Variants in CECR2 observed in about 807,000 individuals in gnomAD.
The protein encoded by CECR2 is CECR2 histone acetyl-lysine reader, also known as chromatin remodeling regulator CECR2.
CECR2 carries 30 observed loss-of-function variants against 154.5 expected under a neutral mutation model. That is an observed-to-expected ratio of 0.19 (90% CI 0.15 to 0.26). CECR2 has a LOEUF of 0.26. Ranked by LOEUF, CECR2 falls within the 10% of genes least tolerant of loss-of-function variation. The pLI, the probability that CECR2 is intolerant of heterozygous loss-of-function variation, is 1.00. For synonymous variants in CECR2, 725 were observed against 683.7 expected (o/e 1.06, Z -0.94); for missense variants, 1,743 against 1,829.3 (o/e 0.95, Z 0.86).
At chr22:17,550,499 C>A (rs1843361252) in intron 17 of CECR2, 1 of 153,964 alleles carries the variant, frequency 6.5e-6, no homozygotes, top group African/African-American at 2.4e-5. Context: ...TCATTTCTTA[C>A]CCTATCATTG....
intron 1 of CECR2, among the ~76,000 whole-genome samples, chr22:17,414,120 C>A (rs564772860): frequency 2.6e-5 from 4 of 151,926 alleles, no homozygotes; most frequent in Non-Finnish European, 2.9e-5. Flanking sequence ...CTACAGGTGC[C>A]TGCCACCACG....
intron 1 of CECR2, among the ~76,000 whole-genome samples, chr22:17,370,435 C>G (rs1480981441): frequency 1.3e-5 from 2 of 151,598 alleles, no homozygotes; most frequent in Non-Finnish European, 1.5e-5. Flanking sequence ...CCGGAGGCCC[C>G]AAGCTCCCGG....
chr22:17,487,578 G>GTA (rs2055444833), intron 2 of CECR2, among the ~76,000 whole-genome samples: 1 of 152,140 alleles, frequency 6.6e-6, no homozygotes, highest in Non-Finnish European at 1.5e-5. Flanking sequence ...GCGAGCGCCT[G>GTA]TAGTCCCAGC....
chr22:17,395,196 A>C (rs1370151697), intron 1 of CECR2, among the ~76,000 whole-genome samples: 1 of 152,074 alleles, frequency 6.6e-6, no homozygotes, highest in Admixed American at 6.6e-5. Flanking sequence ...CTATCCATAG[A>C]ATCTCTTTTT....
chr22:17,503,346 C>G (rs1389588341), intron 6 of CECR2, among the ~76,000 whole-genome samples: 1 of 152,180 alleles, frequency 6.6e-6, no homozygotes, highest in African/African-American at 2.4e-5. Context: ...GATCTTTTCA[C>G]TAGTGCCCTG....
At chr22:17,420,066 C>G (rs5992687) in intron 1 of CECR2, among the ~76,000 whole-genome samples, 44,624 of 152,002 alleles carry the variant, frequency 0.29, 6,597 homozygotes, top group Admixed American at 0.35. Flanking sequence ...TTACAGCTGT[C>G]CTTGAACAAG....
At chr22:17,505,628 A>C (rs2055828635) in intron 7 of CECR2, among the ~76,000 whole-genome samples, 1 of 146,454 alleles carries the variant, frequency 6.8e-6, no homozygotes, top group Non-Finnish European at 1.5e-5. Context: ...CTGCCTTCCA[A>C]GTTCAAGCGA....
chr22:17,434,099 T>G (rs2054466857), intron 1 of CECR2, among the ~76,000 whole-genome samples: 1 of 135,472 alleles, frequency 7.4e-6, no homozygotes, highest in Non-Finnish European at 1.5e-5. Flanking sequence ...AATAACGTAT[T>G]TCACTTACTT....
At chr22:17,504,819 G>A in intron 6 of CECR2, 28 bp from the exon 7 acceptor site, 2 of 1,600,112 alleles carry the variant, frequency 1.2e-6, no homozygotes, top group Non-Finnish European at 1.7e-6. Flanking sequence ...GGGATCTCCT[G>A]TAGTGAATCC....
intron 1 of CECR2, among the ~76,000 whole-genome samples, chr22:17,463,056 T>C (rs2054968645): frequency 6.6e-6 from 1 of 151,990 alleles, no homozygotes; most frequent in African/African-American, 2.4e-5. Context: ...AGCTGGTAGG[T>C]TAGTTAGAAA....
In CECR2 at chr22:17,524,904, T is replaced by C. The variant is rs1339322458; in HGVS notation, c.1108+633T>C. 2.7e-5 allele frequency: 11 copies of C among 407,408 alleles called. No individual in the cohort carries two copies. The Admixed American group carries it at 2.9e-4, about 11-fold the overall frequency. The allele number at this position is 407,408 out of a possible 1,614,324, so 25.2% of individuals were successfully genotyped here. A position where few individuals can be genotyped will look rare whatever the true frequency, so the allele number is the denominator to read the frequency against. ...TTGGTCTCAAACTGCTGACCTCAAATGATCTTGCCGCCTCGGCCTCCCAAA... is the reference window on the plus strand; with the variant it reads ...TTGGTCTCAAACTGCTGACCTCAAACGATCTTGCCGCCTCGGCCTCCCAAA... On this transcript the variant is annotated intron_variant, in intron 9 of 18. Coordinates refer to ENST00000262608, the MANE Select transcript of CECR2 (RefSeq NM_001290047.2).
intron 17 of CECR2, chr22:17,550,176 C>G (rs534988890): frequency 7.9e-5 from 12 of 151,814 alleles, no homozygotes; most frequent in Admixed American, 2.0e-4. Context: ...GAGATTAAGT[C>G]TCACTCTGTG....
At chr22:17,467,331 G>C (rs536982048) in intron 1 of CECR2, among the ~76,000 whole-genome samples, 1 of 152,238 alleles carries the variant, frequency 6.6e-6, no homozygotes, top group South Asian at 2.1e-4. Context: ...TCTCAGCTGG[G>C]TGACTCGCTT....
chr22:17,541,826 C>A lies in CECR2; in HGVS notation c.1885-13C>A. On this transcript the variant is annotated splice_polypyrimidine_tract_variant and intron_variant, in intron 14 of 18. Transcript: ENST00000262608. The stretch of plus-strand genomic sequence containing the variant: ...TCCTTTTTCCTCTTCTTGCTTTGTT[C>A]AATGTGCTGCAGAGGCCAGCAGTAC... 1 of 1,603,932 alleles carries A rather than the reference C, an allele frequency of 6.2e-7. No individual in the cohort carries two copies. The highest frequency in any genetic ancestry group is 1.1e-5 in the South Asian group (1 of 89,488).
At chr22:17,382,143 G>A (rs1283954260) in intron 1 of CECR2, among the ~76,000 whole-genome samples, 1 of 151,806 alleles carries the variant, frequency 6.6e-6, no homozygotes, top group Admixed American at 6.6e-5. Flanking sequence ...GCCCGCCTTG[G>A]CCTCCCAAAG....
At chr22:17,520,127 A>G (rs895606209) in intron 8 of CECR2, among the ~76,000 whole-genome samples, 2 of 152,168 alleles carry the variant, frequency 1.3e-5, no homozygotes, top group African/African-American at 2.4e-5. Flanking sequence ...TTACAATTTC[A>G]TGAGTAATTG....
upstream of CECR2, among the ~76,000 whole-genome samples, chr22:17,368,730 A>G (rs2146427750): frequency 6.6e-6 from 1 of 152,154 alleles, no homozygotes; most frequent in South Asian, 2.1e-4. Flanking sequence ...GCCGGGCAGT[A>G]GCAGGGTTCC....
chr22:17,366,766 G>A (rs1204980635), upstream of CECR2, among the ~76,000 whole-genome samples: 1 of 152,122 alleles, frequency 6.6e-6, no homozygotes, highest in Non-Finnish European at 1.5e-5. Flanking sequence ...GGCCAGAGAA[G>A]GTCCAAATGG....
chr22:17,405,458 TATAAA>T (rs1449682058), intron 1 of CECR2, among the ~76,000 whole-genome samples: 2 of 110,934 alleles, frequency 1.8e-5, no homozygotes, highest in Non-Finnish European at 2.0e-5. Flanking sequence ...AAATAAAAAA[TATAAA>T]ATAAAATAAA....
Sources: gnomAD v4.1 joint callset for allele counts (sites outside exome capture counted in the v4.1 genomes callset) on GRCh38, gnomAD v4.1.1 for gene constraint, MANE v1.5 for transcripts, NCBI Gene and HGNC (gene_info 2026-07-23, HGNC 2026-07-21) for gene names.